Variants in BCR observed in about 807,000 individuals in gnomAD.
BCR encodes the protein breakpoint cluster region protein.
A neutral mutation model predicts 138.6 loss-of-function variants in BCR; 58 were observed. The ratio of observed to expected loss-of-function variants is 0.42; its 90% confidence interval spans 0.34 to 0.52. The LOEUF is 0.52. Ranked by LOEUF, BCR falls within the 20% of genes least tolerant of loss-of-function variation. BCR has a pLI of 0.06. For synonymous variants in BCR, 786 were observed against 730.1 expected, an observed-to-expected ratio of 1.08 and a Z score of -1.23; for missense variants, 1,599 against 1,727.2, an observed-to-expected ratio of 0.93 and a Z score of 1.32.
chr22:23,252,603 T>C (rs2073243813), intron 1 of BCR, among the ~76,000 whole-genome samples: 1 of 78,198 alleles, frequency 1.3e-5, no homozygotes, highest in South Asian at 5.4e-4. Context: ...CCTAATTTTT[T>C]ATAGTTTTAG....
intron 1 of BCR, among the ~76,000 whole-genome samples, chr22:23,217,324 G>C (rs1021941749): frequency 5.3e-5 from 8 of 152,202 alleles, no homozygotes; most frequent in African/African-American, 1.9e-4. Flanking sequence ...AAACTTGCAG[G>C]CTCGGCCAGT....
intron 1 of BCR, among the ~76,000 whole-genome samples, chr22:23,244,430 G>A (rs1010607621): frequency 1.3e-5 from 2 of 152,306 alleles, no homozygotes; most frequent in East Asian, 1.9e-4. Context: ...GGGAGCCAGT[G>A]TCTGCCTCCC....
intron 16 of BCR, among the ~76,000 whole-genome samples, chr22:23,298,079 ACTAGAAATGGAAGGC>A (rs2073865444): frequency 6.6e-6 from 1 of 152,218 alleles, no homozygotes; most frequent in South Asian, 2.1e-4. Context: ...TAGGGAAAAG[ACTAGAAATGGAAGGC>A]CTAGAAATGG....
chr22:23,184,720 AAAAC>A, intron 1 of BCR, among the ~76,000 whole-genome samples: 1 of 152,142 alleles, frequency 6.6e-6, no homozygotes, highest in African/African-American at 2.4e-5. Context: ...GTTATGTTTT[AAAAC>A]TCCTGCTTCT....
At position 23,195,420 on chromosome 22, in the gene BCR, CAAAAA is replaced by C. The variant is rs529306820; in HGVS notation, c.1279+13197_1279+13201del. Among the ~76,000 whole-genome samples, 70 of 92,294 alleles carry C rather than the reference CAAAAA, an allele frequency of 7.6e-4. 1 individual carries two copies. The highest frequency in any genetic ancestry group is 7.9e-4 in the South Asian group (2 of 2,526). The allele number at this position is 92,294 out of a possible 152,430, so 60.5% of individuals were successfully genotyped here. A position where few individuals can be genotyped will look rare whatever the true frequency, so the allele number is the denominator to read the frequency against. ...GGGCTACAAGAGCGAAACTCCGTCT[CAAAAA>C]AAAAAAAAAAAAAAATATCAGCTGG... On this transcript the variant is annotated intron_variant, in intron 1 of 22. Transcript: ENST00000305877.
chr22:23,208,239 G>A (rs2072640953), intron 1 of BCR, among the ~76,000 whole-genome samples: 1 of 152,170 alleles, frequency 6.6e-6, no homozygotes, highest in Non-Finnish European at 1.5e-5. Context: ...CCGGCTGGCA[G>A]TGCAGGAGAG....
intron 1 of BCR, among the ~76,000 whole-genome samples, chr22:23,240,639 G>A (rs910353757): frequency 6.6e-6 from 1 of 151,216 alleles, no homozygotes; most frequent in Non-Finnish European, 1.5e-5. Flanking sequence ...GTGACAGAGC[G>A]AGACTGTCTC....
intron 1 of BCR, among the ~76,000 whole-genome samples, chr22:23,186,068 C>A (rs926647120): frequency 6.6e-6 from 1 of 152,134 alleles, no homozygotes; most frequent in African/African-American, 2.4e-5. Flanking sequence ...TTACAAGTTA[C>A]CGGAAGAGAG....
chr22:23,312,100 G>A (rs1313213387), intron 19 of BCR, among the ~76,000 whole-genome samples: 3 of 152,234 alleles, frequency 2.0e-5, no homozygotes, highest in African/African-American at 7.2e-5. Flanking sequence ...CCTGCCTTGG[G>A]GTTGGACAGG....
intron 1 of BCR, among the ~76,000 whole-genome samples, chr22:23,237,175 T>G (rs1038178547): frequency 3.3e-5 from 5 of 152,232 alleles, no homozygotes; most frequent in African/African-American, 1.2e-4. Flanking sequence ...GAACTCACTT[T>G]TCCCAGGAGG....
At position 23,295,306 on chromosome 22, in the gene BCR, G is replaced by C. The variant is rs1602115720; in HGVS notation, c.3012+151G>C. The C allele has an allele frequency of 8.0e-6, 8 of 997,638 alleles. No homozygotes were observed. In the East Asian group the frequency reaches 2.1e-4, roughly 26 times the overall value. The allele number at this position is 997,638 out of a possible 1,614,324, so 61.8% of individuals were successfully genotyped here. A position where few individuals can be genotyped will look rare whatever the true frequency, so the allele number is the denominator to read the frequency against. On this transcript the variant is annotated intron_variant, in intron 16 of 22. Transcript: ENST00000305877. ...GAAACATCCATCGTGGGAGACCTGA[G>C]CCGGTGCCTGCATGTATCTTGATGG...
chr22:23,297,207 G>GTTGTTTTTTT (rs2073854461), intron 16 of BCR, among the ~76,000 whole-genome samples: 1 of 97,382 alleles, frequency 1.0e-5, no homozygotes, highest in African/African-American at 4.9e-5. Context: ...TGGCTAAGTT[G>GTTGTTTTTTT]TTTTTTGTTT....
At chr22:23,182,739 T>C (rs560496804) in intron 1 of BCR, among the ~76,000 whole-genome samples, 3 of 152,338 alleles carry the variant, frequency 2.0e-5, no homozygotes, top group South Asian at 4.1e-4. Context: ...ACCTGAGATA[T>C]GCTAGCTGCT....
At chr22:23,258,964 C>T (rs917765918) in intron 2 of BCR, among the ~76,000 whole-genome samples, 2 of 151,886 alleles carry the variant, frequency 1.3e-5, no homozygotes, top group Admixed American at 6.5e-5. Flanking sequence ...CACACACTTT[C>T]CTCTGACTGC....
intron 4 of BCR, among the ~76,000 whole-genome samples, chr22:23,267,930 C>G (rs1052521929): frequency 6.6e-6 from 1 of 152,248 alleles, no homozygotes; most frequent in African/African-American, 2.4e-5. Flanking sequence ...CTCTCTTCTG[C>G]AAAGACGGCC....
rs112613932 is a variant in BCR at position 23,186,044 on chromosome 22, T to C, written c.1279+3805T>C. Among the ~76,000 whole-genome samples the C allele has an allele frequency of 6.2e-4, 95 of 152,306 alleles. 1 individual carries two copies. Among genetic ancestry groups the C allele is most frequent in the Admixed American group, 2.3e-3 (35 of 15,304 alleles). On this transcript the variant is annotated intron_variant, in intron 1 of 22. Transcript: ENST00000305877. Reference sequence around the variant, plus strand: ...CGCGCAAGGCGGATAGTGTGGTTCTTGCGATCTGGGAACTTACAAGTTACC... The same window carrying C: ...CGCGCAAGGCGGATAGTGTGGTTCTCGCGATCTGGGAACTTACAAGTTACC...
At chr22:23,202,755 A>G (rs199991233) in intron 1 of BCR, among the ~76,000 whole-genome samples, 16,932 of 97,800 alleles carry the variant, frequency 0.17, 2,387 homozygotes, top group East Asian at 0.46. Context: ...GTGTATATAT[A>G]TATATATTTA....
chr22:23,216,998 G>A (rs2072761886), intron 1 of BCR: 1 of 447,422 alleles, frequency 2.2e-6, no homozygotes, highest in African/African-American at 2.0e-5. Flanking sequence ...TAGAAAGCTG[G>A]ACTCTACCTC....
At chr22:23,269,079 C>G (rs1028071279) in intron 5 of BCR, among the ~76,000 whole-genome samples, 1 of 152,244 alleles carries the variant, frequency 6.6e-6, no homozygotes, top group Non-Finnish European at 1.5e-5. Flanking sequence ...GCATTTAGCC[C>G]CAGGAAGCTG....
Sources: gnomAD v4.1 joint callset for allele counts (sites outside exome capture counted in the v4.1 genomes callset) on GRCh38, gnomAD v4.1.1 for gene constraint, MANE v1.5 for transcripts, NCBI Gene and HGNC (gene_info 2026-07-23, HGNC 2026-07-21) for gene names.